The following XYLT1 variants were observed in gnomAD, a reference collection of about 807,000 sequenced individuals.
XYLT1 encodes the protein xylosyltransferase 1.
In XYLT1, 36 loss-of-function variants were observed where a neutral mutation model predicts 91.3. The ratio of observed to expected loss-of-function variants is 0.39; its 90% confidence interval spans 0.30 to 0.52. The LOEUF (loss-of-function observed/expected upper bound fraction) is 0.52. Among genes scored for constraint, XYLT1 ranks in the 20% least tolerant of loss-of-function variants. XYLT1 has a pLI of 0.68. For synonymous variants in XYLT1, 588 were observed against 532.0 expected, an observed-to-expected ratio of 1.11 and a Z score of -1.45; for missense variants, 1,242 against 1,284.5, an observed-to-expected ratio of 0.97 and a Z score of 0.51.
chr16:17,263,870 G>A (rs1192068238), intron 2 of XYLT1, among the ~76,000 whole-genome samples: 8 of 151,966 alleles, frequency 5.3e-5, no homozygotes, highest in Non-Finnish European at 1.0e-4. Flanking sequence ...TACCACGCCC[G>A]GCTAATTTTT....
intron 1 of XYLT1, among the ~76,000 whole-genome samples, chr16:17,409,337 C>A (rs1408957097): frequency 1.3e-5 from 2 of 152,128 alleles, no homozygotes; most frequent in Non-Finnish European, 2.9e-5. Context: ...CAGCTTGGAC[C>A]TGCTATTTCT....
At chr16:17,295,942 C>G (rs1291200432) in intron 2 of XYLT1, among the ~76,000 whole-genome samples, 1 of 152,168 alleles carries the variant, frequency 6.6e-6, no homozygotes, top group Non-Finnish European at 1.5e-5. Context: ...CCCCTCTGTG[C>G]TTGCACTGAT....
chr16:17,263,538 GT>G (rs1211836192), intron 2 of XYLT1, among the ~76,000 whole-genome samples: 1 of 151,652 alleles, frequency 6.6e-6, no homozygotes, highest in East Asian at 1.9e-4. Flanking sequence ...AAAATATTTT[GT>G]CTTCTGGAAC....
chr16:17,404,904 C>CT (rs1251683207), intron 1 of XYLT1, among the ~76,000 whole-genome samples: 1 of 152,200 alleles, frequency 6.6e-6, no homozygotes, highest in African/African-American at 2.4e-5. Flanking sequence ...TGCCCCTCTT[C>CT]TCCAAATAAG....
At chr16:17,263,776 T>A (rs2033760514) in intron 2 of XYLT1, among the ~76,000 whole-genome samples, 1 of 152,160 alleles carries the variant, frequency 6.6e-6, no homozygotes, top group African/African-American at 2.4e-5. Flanking sequence ...CGGCGCCATC[T>A]TGGCTCACTG....
chr16:17,264,286 A>G lies in XYLT1; in HGVS notation c.403-4788T>C, dbSNP rs187984173. On this transcript the variant is annotated intron_variant, in intron 2 of 11. Coordinates refer to ENST00000261381, the MANE Select transcript of XYLT1 (RefSeq NM_022166.4). ...TTCACTCTCTGGTTCTAGGATTCGGACTATTTTCGATAGCTGATAGAAGCA... is the reference window on the plus strand; with the variant it reads ...TTCACTCTCTGGTTCTAGGATTCGGGCTATTTTCGATAGCTGATAGAAGCA... Among the ~76,000 whole-genome samples the G allele has an allele frequency of 2.8e-3, 423 of 152,240 alleles. 3 individuals are homozygous for G. The highest frequency in any genetic ancestry group is 9.8e-3 in the African/African-American group (406 of 41,552).
At chr16:17,440,715 T>G (rs910310671) in intron 1 of XYLT1, among the ~76,000 whole-genome samples, 4 of 152,246 alleles carry the variant, frequency 2.6e-5, no homozygotes, top group Non-Finnish European at 5.9e-5. Context: ...GGTTTATGGT[T>G]GCCTAAATAA....
chr16:17,171,071 T>C (rs147123953), intron 5 of XYLT1, among the ~76,000 whole-genome samples: 2,159 of 152,294 alleles, frequency 0.014, 33 homozygotes, highest in Non-Finnish European at 0.021. Flanking sequence ...GAAACTGGTA[T>C]CAGAAGTCGG....
intron 1 of XYLT1, among the ~76,000 whole-genome samples, chr16:17,466,966 A>T (rs1043270534): frequency 6.6e-6 from 1 of 152,146 alleles, no homozygotes; most frequent in Admixed American, 6.5e-5. Context: ...GAAAAGCTAT[A>T]CCTCCAAGGC....
chr16:17,236,813 C>T (rs544217288), intron 3 of XYLT1, among the ~76,000 whole-genome samples: 2 of 152,268 alleles, frequency 1.3e-5, no homozygotes, highest in Admixed American at 1.3e-4. Context: ...TGGGTCTGAA[C>T]GTCCTCTTTT....
At chr16:17,394,251 G>A (rs1318807432) in intron 1 of XYLT1, among the ~76,000 whole-genome samples, 4 of 152,152 alleles carry the variant, frequency 2.6e-5, no homozygotes, top group African/African-American at 4.8e-5. Flanking sequence ...AGCCCCATGT[G>A]GCTGCTGGCC....
chr16:17,465,271 G>A, intron 1 of XYLT1, among the ~76,000 whole-genome samples: 1 of 151,984 alleles, frequency 6.6e-6, no homozygotes, highest in Non-Finnish European at 1.5e-5. Context: ...GGCAGGCCTG[G>A]GTTTGGATCT....
At chr16:17,160,830 G>A (rs1016146919) in intron 5 of XYLT1, among the ~76,000 whole-genome samples, 1 of 152,202 alleles carries the variant, frequency 6.6e-6, no homozygotes, top group Non-Finnish European at 1.5e-5. Context: ...TGGGAGAGGT[G>A]GAAACTAAAT....
chr16:17,451,800 G>A (rs1209060117), intron 1 of XYLT1, among the ~76,000 whole-genome samples: 1 of 152,126 alleles, frequency 6.6e-6, no homozygotes, highest in Non-Finnish European at 1.5e-5. Flanking sequence ...ACTCAGTAAT[G>A]AGGAAAACCC....
rs2035081624 is a variant in XYLT1 at position 17,342,747 on chromosome 16, T to G, written c.402+15265A>C. ...AAAAAAAAACACATGCGTTTCTCAT[T>G]TACTACCTGTATAGAATGTGTGCTC... On this transcript the variant is annotated intron_variant, in intron 2 of 11. Transcript: ENST00000261381. 2.6e-5 allele frequency among the ~76,000 whole-genome samples: 4 copies of G among 152,090 alleles called. No individual in the cohort carries two copies. In the South Asian group the frequency reaches 8.3e-4, roughly 32 times the overall value.
At chr16:17,428,960 G>A (rs1035109766) in intron 1 of XYLT1, among the ~76,000 whole-genome samples, 1 of 152,128 alleles carries the variant, frequency 6.6e-6, no homozygotes, top group African/African-American at 2.4e-5. Flanking sequence ...AGGATGCAGG[G>A]CCATTGGGAA....
chr16:17,274,740 T>C (rs992637974), intron 2 of XYLT1, among the ~76,000 whole-genome samples: 4 of 152,040 alleles, frequency 2.6e-5, no homozygotes, highest in African/African-American at 4.8e-5. Flanking sequence ...AAAAGGGCTT[T>C]CCAGGCAAGG....
At chr16:17,112,874 C>G (rs1172771880) in intron 11 of XYLT1, among the ~76,000 whole-genome samples, 1 of 151,440 alleles carries the variant, frequency 6.6e-6, no homozygotes, top group Non-Finnish European at 1.5e-5. Flanking sequence ...GAGTCTCGCT[C>G]TTGTTGCCAG....
rs2030314199 is a variant in XYLT1, at chr16:17,127,786, C to T, written c.2103G>A (p.Lys701=). 9 of 1,614,172 alleles carry T rather than the reference C, an allele frequency of 5.6e-6. No homozygotes were observed. The highest frequency in any genetic ancestry group is 7.6e-6 in the Non-Finnish European group (9 of 1,180,018). The change falls in exon 10 of 12, where the codon AAG becomes AAA. Residue 701 remains lysine, a synonymous_variant. Transcript: ENST00000261381. ...TCACAGCCAGATTGGTAGCATGATG[C>T]TTGATCAGAAAGCCCTGGAAGCGGT... ...LADRFQGFLI[K]HHATNLAVSK... is the part of the protein sequence containing the mutation.
Sources: gnomAD v4.1 joint callset for allele counts (sites outside exome capture counted in the v4.1 genomes callset) on GRCh38, gnomAD v4.1.1 for gene constraint, MANE v1.5 for transcripts, NCBI Gene and HGNC (gene_info 2026-07-23, HGNC 2026-07-21) for gene names.